ZAN: variants seen among roughly 807,000 people sequenced by gnomAD.
The protein encoded by ZAN is zonadhesin (gene/pseudogene).
Under a neutral mutation model 286.2 loss-of-function variants are expected in ZAN, and 260 were observed. The observed-to-expected ratio is 0.91, with a 90% CI of 0.82 to 1.01. ZAN has a LOEUF of 1.01. Among genes scored for constraint, ZAN ranks in the 50% least tolerant of loss-of-function variants. ZAN has a pLI of 0.00. For missense variants in ZAN, 3,410 were observed against 3,639.2 expected (o/e 0.94, Z 1.62); for synonymous variants, 1,368 against 1,417.5 (o/e 0.97, Z 0.79).
chr7:100,785,478 G>A (rs143473796), intron 36 of ZAN, among the ~76,000 whole-genome samples: 3 of 151,786 alleles, frequency 2.0e-5, no homozygotes, highest in South Asian at 4.2e-4. Flanking sequence ...TGATCTGCCC[G>A]CCTTGGCCTC....
Position 100,758,513 on chromosome 7 carries a change from TC to T in ZAN, c.3452-17del, listed in dbSNP as rs761126177. 10 of 1,555,000 alleles carry T rather than the reference TC, an allele frequency of 6.4e-6. No homozygotes were observed. The highest frequency in any genetic ancestry group is 1.7e-6 in the Non-Finnish European group (2 of 1,149,272). ...GAGCCACAGAAGCAGCTTCGCCTGT[TC>T]TCCTTCCCCCTCCCAGCAGGCACTG... On this transcript the variant is annotated splice_polypyrimidine_tract_variant and intron_variant, in intron 16 of 47. Transcript: ENST00000613979.
At chr7:100,791,202 T>C (rs1811934621) in intron 40 of ZAN, 89 bp downstream of exon 40, 19 of 1,481,690 alleles carry the variant, frequency 1.3e-5, no homozygotes, top group Middle Eastern at 2.3e-4. Context: ...CAGGAGAGGA[T>C]GAAACTCCAG....
chr7:100,795,644 C>T (rs1209120461), intron 45 of ZAN, among the ~76,000 whole-genome samples: 2 of 151,744 alleles, frequency 1.3e-5, no homozygotes, highest in African/African-American at 2.4e-5. Flanking sequence ...TGGTGGCTCA[C>T]GCCTGTAATC....
intron 44 of ZAN, 132 bp downstream of exon 44, chr7:100,794,390 G>C: frequency 1.4e-6 from 2 of 1,411,138 alleles, no homozygotes; most frequent in Non-Finnish European, 1.9e-6. Context: ...CCTTTGTAGG[G>C]AGGGACAAAG....
chr7:100,742,917 T>C (rs1205358720), intron 7 of ZAN, among the ~76,000 whole-genome samples: 1 of 65,442 alleles, frequency 1.5e-5, no homozygotes, highest in Non-Finnish European at 3.3e-5. Context: ...GACTTATTTT[T>C]TAAGGATTTT....
At position 100,793,803 on chromosome 7, in the gene ZAN, C is replaced by A; in HGVS notation, c.7788-17C>A. ...TGCCCAGCCCCAGCCAGTTTCTGAC[C>A]ATGACTGTCCCCGCAGCCATGGAGT... On this transcript the variant is annotated splice_polypyrimidine_tract_variant and intron_variant, in intron 42 of 47. Transcript: ENST00000613979. 1.3e-6 allele frequency: 2 copies of A among 1,566,438 alleles called. No individual in the cohort carries two copies. The highest frequency in any genetic ancestry group is 1.2e-5 in the South Asian group (1 of 82,686).
intron 35 of ZAN, among the ~76,000 whole-genome samples, chr7:100,780,258 G>A (rs889893827): frequency 4.0e-5 from 6 of 151,200 alleles, no homozygotes; most frequent in East Asian, 3.9e-4. Flanking sequence ...ACTATATAAC[G>A]CCAGAAACTT....
chr7:100,794,222 T>C lies in ZAN; in HGVS notation c.8089T>C (p.Cys2697Arg), dbSNP rs1229555749. 4.3e-6 allele frequency: 7 copies of C among 1,612,562 alleles called. No individual in the cohort carries two copies. The highest frequency in any genetic ancestry group is 5.9e-6 in the Non-Finnish European group (7 of 1,179,144). ...CTTCAGCTGCAGAGCGGGGGAGGTC[T>C]GCACCCTGGGGAACCACACCCAAGG... ...EPFSCRAGEV[C>R]TLGNHTQGCF... Residue 2697 changes from cysteine (C) to arginine (R), a missense_variant, in exon 44 of 48, where the codon TGC becomes CGC. Cys to Arg is a radical substitution (Grantham distance 180). Coordinates refer to ENST00000613979, the MANE Select transcript of ZAN (RefSeq NM_003386.3).
rs746852400 is a variant in ZAN, at chr7:100,763,966, G to A, written c.4097+50G>A. ...GCACAGGGGCGATGCTTGGCACCTG[G>A]GCTCCTCCAAGGCTCTACCCCCTTC... is the stretch of plus-strand genomic sequence containing the variant. On this transcript the variant is annotated intron_variant, in intron 21 of 47. Transcript: ENST00000613979. The surrounding 1 kb of genome is among the most constrained non-coding windows in gnomAD (Gnocchi z 4.6). 6 of 1,613,606 alleles carry A rather than the reference G, an allele frequency of 3.7e-6. No homozygotes were observed. The East Asian group carries it at 1.3e-4, about 36-fold the overall frequency.
rs551483930 is a variant in ZAN at position 100,767,992 on chromosome 7, C to T, written c.5022C>T (p.Gly1674=). 14 of 1,613,120 alleles carry T rather than the reference C, an allele frequency of 8.7e-6. 1 individual carries two copies. In the South Asian group the frequency reaches 1.4e-4, roughly 16 times the overall value. The change falls in exon 26 of 48, where the codon GGC becomes GGT. Residue 1674 remains glycine, a synonymous_variant. Transcript: ENST00000613979. ...TGACAGTCCCCTCCTCCTATGGCGG[C>T]CAGCTCTGTGGGCTGTGTGGTGAGT... ...VEVTVPSSYG[G]QLCGLCGNYN... is the part of the protein sequence containing the mutation.
At chr7:100,742,276 G>A (rs1190145260) in intron 7 of ZAN, among the ~76,000 whole-genome samples, 7 of 105,330 alleles carry the variant, frequency 6.6e-5, no homozygotes, top group African/African-American at 1.1e-4. Flanking sequence ...ATGGGCGGCC[G>A]GGCAGAGACG....
In ZAN at chr7:100,750,801, C is replaced by T. The variant is rs962853345; in HGVS notation, c.1426C>T (p.Pro476Ser). The change falls in exon 12 of 48, where the codon CCC becomes TCC. Residue 476 changes from proline to serine, a missense_variant. Physicochemically the swap from Pro to Ser is moderately conservative, Grantham distance 74. This residue lies in a region of ZAN where 872 missense variants were observed against 938.9 expected (regional missense o/e 0.93). Coordinates refer to ENST00000613979, the MANE Select transcript of ZAN (RefSeq NM_003386.3). ...ELLLGSPAGS[P>S]PIPLWKRVGS... ...CCTCCTGGGAAGTCCTGCGGGGAGT[C>T]CCCCGATTCCTCTCTGGAAACGCGT... 4 of 1,608,938 alleles carry T rather than the reference C, an allele frequency of 2.5e-6. No homozygotes were observed. The highest frequency in any genetic ancestry group is 1.3e-5 in the African/African-American group (1 of 74,820).
chr7:100,773,962 G>A, intron 31 of ZAN, 97 bp downstream of exon 31: 1 of 1,467,060 alleles, frequency 6.8e-7, no homozygotes, highest in Non-Finnish European at 9.1e-7. Context: ...CTGGGTTTCA[G>A]GTTTTGACTG....
At position 100,750,636 on chromosome 7, in the gene ZAN, A is replaced by G; in HGVS notation, c.1261A>G (p.Ile421Val). The G allele has an allele frequency of 1.9e-6, 3 of 1,613,254 alleles. No homozygotes were observed. Among genetic ancestry groups the G allele is most frequent in the Non-Finnish European group, 2.5e-6 (3 of 1,179,648 alleles). Reference protein sequence around the residue: ...GGFPNAGGHYIYLEADEFSQA... With the variant: ...GGFPNAGGHYVYLEADEFSQA... Reference sequence around the variant, plus strand: ...CTTCCTTTGCCTAGGGGGTCACTATATCTACCTTGAGGCTGACGAGTTCTC... The same window carrying G: ...CTTCCTTTGCCTAGGGGGTCACTATGTCTACCTTGAGGCTGACGAGTTCTC... The change falls in exon 12 of 48, where the codon ATC (isoleucine) becomes GTC (valine). Residue 421 changes from isoleucine to valine, a missense_variant. By Grantham distance (29) the Ile-to-Val change is conservative. Around this residue, in one of 7 missense-constraint regions of ZAN, gnomAD observed 872 missense variants for 938.9 expected, o/e 0.93. Transcript: ENST00000613979.
At chr7:100,742,884 G>A (rs1437406492) in intron 7 of ZAN, among the ~76,000 whole-genome samples, 1 of 47,720 alleles carries the variant, frequency 2.1e-5, no homozygotes, top group Non-Finnish European at 5.6e-5. Flanking sequence ...GGAGAGGGAG[G>A]GGGAGGGGGA....
intron 36 of ZAN, 71 bp downstream of exon 36, chr7:100,784,905 T>G (rs1344459190): frequency 2.6e-5 from 37 of 1,438,402 alleles, no homozygotes; most frequent in Non-Finnish European, 3.3e-5. Context: ...TTTCTCTGCC[T>G]CTCTCAGCCT....
chr7:100,748,292 A>C, intron 10 of ZAN, 32 bp from the exon 11 acceptor site: 2 of 1,613,836 alleles, frequency 1.2e-6, no homozygotes, highest in Non-Finnish European at 1.7e-6. Flanking sequence ...GCGTCACTCA[A>C]CTTGCTCAAA....
At chr7:100,788,334 T>C (rs1489494325) in intron 38 of ZAN, among the ~76,000 whole-genome samples, 198 bp downstream of exon 38, 1 of 152,070 alleles carries the variant, frequency 6.6e-6, no homozygotes, top group African/African-American at 2.4e-5. Flanking sequence ...GAGGATCACT[T>C]GAGCCCAGGA....
At chr7:100,762,390 G>GGAAGGTTCC in intron 20 of ZAN, 32 bp downstream of exon 20, 1 of 1,578,262 alleles carries the variant, frequency 6.3e-7, no homozygotes. Flanking sequence ...CGGGGCCCTG[G>GGAAGGTTCC]GAAGGTTCCG....
Sources: allele counts gnomAD v4.1 joint callset (sites outside exome capture counted in the v4.1 genomes callset), GRCh38; gene constraint gnomAD v4.1.1; regional missense constraint gnomAD v4.1.1; non-coding constraint Gnocchi (gnomAD v3.1); transcripts MANE v1.5; gene names NCBI Gene and HGNC (gene_info 2026-07-23, HGNC 2026-07-21).